The following NRG3 variants were observed in gnomAD, a reference collection of about 807,000 sequenced individuals.
NRG3 encodes the protein pro-neuregulin-3, membrane-bound isoform.
Under a neutral mutation model 66.9 loss-of-function variants are expected in NRG3, and 31 were observed. The observed-to-expected ratio is 0.46, with a 90% confidence interval of 0.35 to 0.63. The LOEUF is 0.63. Ranked by LOEUF, NRG3 falls within the 20% of genes least tolerant of loss-of-function variation. The pLI, the probability that NRG3 is intolerant of heterozygous loss-of-function variation, is 0.00. For missense variants in NRG3, 910 were observed against 878.9 expected, an observed-to-expected ratio of 1.04 and a Z score of -0.45; for synonymous variants, 393 against 359.4, an observed-to-expected ratio of 1.09 and a Z score of -1.06.
Position 82,145,547 on chromosome 10 carries a change from A to G in NRG3, c.824-213192A>G, listed in dbSNP as rs1351281154. Among the ~76,000 whole-genome samples the G allele has an allele frequency of 3.9e-5, 6 of 152,306 alleles. No homozygotes were observed. In the East Asian group the frequency reaches 1.2e-3, roughly 29 times the overall value. On this transcript the variant is annotated intron_variant, in intron 1 of 8. Coordinates refer to ENST00000372141, the MANE Select transcript of NRG3 (RefSeq NM_001010848.4). ...GCCTCAACATCATATTAAAACCACC[A>G]GTGATTTTCTTATTGATATGTTAAT... is the stretch of plus-strand genomic sequence containing the variant.
intron 1 of NRG3, among the ~76,000 whole-genome samples, chr10:82,128,664 G>T (rs2068615608): frequency 1.3e-5 from 2 of 151,930 alleles, no homozygotes; most frequent in Non-Finnish European, 2.9e-5. Flanking sequence ...ATGGATTGTT[G>T]ATTACAAATG....
intron 6 of NRG3, among the ~76,000 whole-genome samples, chr10:82,960,859 C>T (rs975796561): frequency 4.6e-5 from 7 of 152,056 alleles, no homozygotes; most frequent in African/African-American, 1.7e-4. Context: ...TTTCCTTTAC[C>T]TACCCAAACT....
At chr10:82,034,700 T>TTTCTATATTA (rs71007287) in intron 1 of NRG3, among the ~76,000 whole-genome samples, 1 of 151,610 alleles carries the variant, frequency 6.6e-6, no homozygotes, top group African/African-American at 2.4e-5. Flanking sequence ...TGTTTCTTAC[T>TTTCTATATTA]CCTTGTCAGT....
intron 1 of NRG3, among the ~76,000 whole-genome samples, chr10:81,980,508 A>G (rs963491623): frequency 6.6e-6 from 1 of 152,204 alleles, no homozygotes; most frequent in African/African-American, 2.4e-5. Flanking sequence ...TTGAGATGCT[A>G]TATTTTAAGA....
At chr10:82,114,050 C>G (rs1272361108) in intron 1 of NRG3, among the ~76,000 whole-genome samples, 1 of 152,176 alleles carries the variant, frequency 6.6e-6, no homozygotes, top group Non-Finnish European at 1.5e-5. Flanking sequence ...TCTCCCTGCT[C>G]TGGACGTTTT....
intron 1 of NRG3, among the ~76,000 whole-genome samples, chr10:81,995,144 T>C (rs1376229437): frequency 6.6e-6 from 1 of 152,210 alleles, no homozygotes; most frequent in Non-Finnish European, 1.5e-5. Context: ...CTTAGTGTTT[T>C]TGATTTAACC....
chr10:82,737,347 A>G (rs1052710502), intron 2 of NRG3, among the ~76,000 whole-genome samples: 1 of 152,148 alleles, frequency 6.6e-6, no homozygotes, highest in Non-Finnish European at 1.5e-5. Flanking sequence ...AATTACCTAG[A>G]TGCATTTCAA....
intron 3 of NRG3, among the ~76,000 whole-genome samples, chr10:82,825,334 G>A (rs1457255960): frequency 6.6e-6 from 1 of 152,132 alleles, no homozygotes; most frequent in Non-Finnish European, 1.5e-5. Context: ...TACATCTTGA[G>A]TTAATTTTTT....
chr10:82,873,838 G>C (rs1328617568), intron 4 of NRG3, among the ~76,000 whole-genome samples: 2 of 152,036 alleles, frequency 1.3e-5, no homozygotes, highest in Non-Finnish European at 2.9e-5. Flanking sequence ...TATTTTGTCG[G>C]TGATTTGACA....
At chr10:82,909,441 C>T (rs983901623) in intron 4 of NRG3, among the ~76,000 whole-genome samples, 1 of 152,128 alleles carries the variant, frequency 6.6e-6, no homozygotes, top group Admixed American at 6.5e-5. Flanking sequence ...CACCCGACCT[C>T]ATGTGACAGG....
intron 8 of NRG3, among the ~76,000 whole-genome samples, chr10:82,980,929 T>C (rs1370319756): frequency 1.3e-5 from 2 of 152,214 alleles, no homozygotes; most frequent in Admixed American, 1.3e-4. Flanking sequence ...TAATGATGCC[T>C]CTTATTAGTG....
intron 2 of NRG3, among the ~76,000 whole-genome samples, chr10:82,547,264 A>G (rs1008001788): frequency 2.6e-5 from 4 of 151,858 alleles, no homozygotes; most frequent in South Asian, 2.1e-4. Flanking sequence ...TCCACTTTAA[A>G]TGGTCTAACT....
intron 1 of NRG3, among the ~76,000 whole-genome samples, chr10:81,979,510 C>T (rs913642745): frequency 6.6e-6 from 1 of 152,152 alleles, no homozygotes; most frequent in Non-Finnish European, 1.5e-5. Context: ...ATTTATCCCA[C>T]CTAGTTTTCT....
At chr10:82,661,360 A>G (rs140168821) in intron 2 of NRG3, among the ~76,000 whole-genome samples, 10 of 152,094 alleles carry the variant, frequency 6.6e-5, no homozygotes, top group Non-Finnish European at 1.2e-4. Flanking sequence ...ATATAAATAT[A>G]TAAACAGCAT....
intron 1 of NRG3, among the ~76,000 whole-genome samples, chr10:81,954,796 A>C (rs963892729): frequency 2.6e-5 from 4 of 152,176 alleles, no homozygotes; most frequent in Non-Finnish European, 5.9e-5. Flanking sequence ...AGGAAAGAGC[A>C]CTTCACAAGC....
intron 1 of NRG3, among the ~76,000 whole-genome samples, chr10:82,309,009 A>G (rs1157770476): frequency 6.6e-6 from 1 of 152,204 alleles, no homozygotes; most frequent in African/African-American, 2.4e-5. Flanking sequence ...TTTGGAAGCT[A>G]CTGAAATCAG....
chr10:82,598,868 G>A (rs1036764388), intron 2 of NRG3, among the ~76,000 whole-genome samples: 4 of 152,084 alleles, frequency 2.6e-5, no homozygotes, highest in Non-Finnish European at 5.9e-5. Context: ...TGGCCAACAT[G>A]GCCAAATCCT....
At chr10:82,818,614 G>A (rs985791353) in intron 3 of NRG3, among the ~76,000 whole-genome samples, 3 of 152,092 alleles carry the variant, frequency 2.0e-5, no homozygotes, top group African/African-American at 7.2e-5. Flanking sequence ...CTAGCGGAGG[G>A]TGGGGGAGTC....
At chr10:82,883,385 A>G (rs1842461674) in intron 4 of NRG3, among the ~76,000 whole-genome samples, 1 of 152,112 alleles carries the variant, frequency 6.6e-6, no homozygotes, top group Admixed American at 6.5e-5. Flanking sequence ...TAGAGTTGAA[A>G]TCTGTCTGTC....
Sources: allele counts gnomAD v4.1 joint callset (sites outside exome capture counted in the v4.1 genomes callset), GRCh38; gene constraint gnomAD v4.1.1; transcripts MANE v1.5; gene names NCBI Gene and HGNC (gene_info 2026-07-23, HGNC 2026-07-21).